Variants in LRRC4C observed in about 807,000 individuals in gnomAD.
The protein encoded by LRRC4C is leucine rich repeat containing 4C.
Under a neutral mutation model 33.6 loss-of-function variants are expected in LRRC4C, and 5 were observed. The ratio of observed to expected loss-of-function variants is 0.15; its 90% CI spans 0.08 to 0.31. The LOEUF is 0.31. Among genes scored for constraint, LRRC4C ranks in the 10% least tolerant of loss-of-function variants. The probability of loss-of-function intolerance (pLI) is 1.00; values close to 1 mark genes in which losing one functional copy is unlikely to be tolerated. For synonymous variants in LRRC4C, 329 were observed against 302.0 expected (o/e 1.09, Z -0.93); for missense variants, 560 against 796.7 (o/e 0.70, Z 3.58).
chr11:40,761,728 G>A (rs1194478631), intron 2 of LRRC4C, among the ~76,000 whole-genome samples: 1 of 152,094 alleles, frequency 6.6e-6, no homozygotes, highest in Non-Finnish European at 1.5e-5. Flanking sequence ...CCTTTTCAAT[G>A]TATGATAAAA....
chr11:41,425,994 A>G (rs549838120), intron 1 of LRRC4C, among the ~76,000 whole-genome samples: 1 of 152,064 alleles, frequency 6.6e-6, no homozygotes, highest in African/African-American at 2.4e-5. Flanking sequence ...AATCAAAAAC[A>G]CTCTTCTAAA....
chr11:40,402,366 C>T (rs1474575058), intron 3 of LRRC4C, among the ~76,000 whole-genome samples: 4 of 151,972 alleles, frequency 2.6e-5, no homozygotes, highest in Non-Finnish European at 4.4e-5. Context: ...TTTATTCAAC[C>T]CTTATAAAAT....
chr11:40,708,596 G>A (rs1214287084), intron 2 of LRRC4C, among the ~76,000 whole-genome samples: 1 of 152,270 alleles, frequency 6.6e-6, no homozygotes, highest in South Asian at 2.1e-4. Context: ...TGTAATTTCT[G>A]TTCTTTTACA....
intron 2 of LRRC4C, among the ~76,000 whole-genome samples, chr11:40,915,894 A>G (rs1175093355): frequency 6.6e-6 from 1 of 152,220 alleles, no homozygotes; most frequent in Non-Finnish European, 1.5e-5. Flanking sequence ...AAGGATATGA[A>G]CAGACACTTC....
chr11:40,566,415 C>A (rs1957771103), intron 3 of LRRC4C, among the ~76,000 whole-genome samples: 1 of 151,820 alleles, frequency 6.6e-6, no homozygotes, highest in Admixed American at 6.6e-5. Context: ...TCAAATAAAA[C>A]CTATAATGGT....
At chr11:40,695,981 A>G (rs560167472) in intron 2 of LRRC4C, among the ~76,000 whole-genome samples, 35 of 150,974 alleles carry the variant, frequency 2.3e-4, no homozygotes, top group African/African-American at 8.3e-4. Flanking sequence ...CCCTACCACA[A>G]TGCCACCATA....
intron 1 of LRRC4C, among the ~76,000 whole-genome samples, chr11:40,956,043 T>C (rs1218527713): frequency 1.3e-5 from 2 of 151,782 alleles, no homozygotes; most frequent in Admixed American, 1.3e-4. Flanking sequence ...TTCTATATAC[T>C]CCTGTTAGCT....
intron 1 of LRRC4C, among the ~76,000 whole-genome samples, chr11:41,228,670 C>A (rs1034626901): frequency 8.5e-5 from 13 of 152,106 alleles, no homozygotes; most frequent in Non-Finnish European, 1.8e-4. Flanking sequence ...AGGCAAATAA[C>A]AAACTAGTGT....
chr11:40,170,696 A>T (rs997545050), intron 5 of LRRC4C, among the ~76,000 whole-genome samples: 15 of 152,234 alleles, frequency 9.9e-5, no homozygotes, highest in African/African-American at 3.6e-4. Context: ...AATCCAAGGT[A>T]GGAGAAAGGA....
intron 2 of LRRC4C, among the ~76,000 whole-genome samples, chr11:40,777,795 C>A (rs1950067143): frequency 6.6e-6 from 1 of 151,950 alleles, no homozygotes; most frequent in Admixed American, 6.6e-5. Context: ...TCACGCCATT[C>A]TCCTGCCTCA....
rs553794629 is a variant in LRRC4C at position 40,902,734 on chromosome 11, G to A, written c.-407+30901C>T. On this transcript the variant is annotated intron_variant, in intron 2 of 6. Coordinates refer to ENST00000528697, the MANE Select transcript of LRRC4C (RefSeq NM_001258419.2). ...TCAGAGGTCTGAATATATCAAAACA[G>A]CCAAACATTCCTTTAAGTATAGCCT... is the stretch of plus-strand genomic sequence containing the variant. Among the ~76,000 whole-genome samples, 3 of 152,240 alleles carry A rather than the reference G, an allele frequency of 2.0e-5. 1 individual carries two copies. In the South Asian group the frequency reaches 6.2e-4, roughly 32 times the overall value.
At chr11:41,163,923 A>C (rs1184485330) in intron 1 of LRRC4C, among the ~76,000 whole-genome samples, 1 of 152,084 alleles carries the variant, frequency 6.6e-6, no homozygotes, top group African/African-American at 2.4e-5. Flanking sequence ...CTACTTCAAA[A>C]ACTTTTTTAT....
chr11:41,155,198 CTTAA>C (rs1016692043), intron 1 of LRRC4C, among the ~76,000 whole-genome samples: 9 of 152,058 alleles, frequency 5.9e-5, no homozygotes, highest in African/African-American at 1.9e-4. Context: ...GCATGTTTTG[CTTAA>C]TTCCAACATC....
intron 1 of LRRC4C, among the ~76,000 whole-genome samples, chr11:41,332,689 T>C (rs996612722): frequency 6.6e-6 from 1 of 152,246 alleles, no homozygotes; most frequent in African/African-American, 2.4e-5. Flanking sequence ...ATCCTTCTTT[T>C]CAACAATGGT....
At chr11:41,458,341 G>C (rs947034545) in intron 1 of LRRC4C, among the ~76,000 whole-genome samples, 1 of 152,132 alleles carries the variant, frequency 6.6e-6, no homozygotes. Flanking sequence ...TTCATGTGAG[G>C]TCTCAGCATT....
chr11:40,386,848 G>C (rs1019906358), intron 3 of LRRC4C, among the ~76,000 whole-genome samples: 1 of 152,050 alleles, frequency 6.6e-6, no homozygotes, highest in Admixed American at 6.6e-5. Context: ...TTGGAAAGCC[G>C]ACATACATAA....
At chr11:40,138,230 C>T (rs547008885) in intron 6 of LRRC4C, among the ~76,000 whole-genome samples, 5 of 151,356 alleles carry the variant, frequency 3.3e-5, no homozygotes, top group Non-Finnish European at 7.4e-5. Flanking sequence ...TGCAATGGTG[C>T]AATCATAGCT....
chr11:40,889,945 C>T (rs915027047), intron 2 of LRRC4C, among the ~76,000 whole-genome samples: 2 of 152,146 alleles, frequency 1.3e-5, no homozygotes, highest in Non-Finnish European at 2.9e-5. Context: ...AACTCTAATA[C>T]AGCACAGAAC....
At chr11:40,690,232 T>C (rs1436563334) in intron 2 of LRRC4C, among the ~76,000 whole-genome samples, 1 of 152,114 alleles carries the variant, frequency 6.6e-6, no homozygotes, top group Non-Finnish European at 1.5e-5. Context: ...ACGTACTTTA[T>C]TAACTGATTT....
Sources: allele counts gnomAD v4.1 joint callset (sites outside exome capture counted in the v4.1 genomes callset), GRCh38; gene constraint gnomAD v4.1.1; transcripts MANE v1.5; gene names NCBI Gene and HGNC (gene_info 2026-07-23, HGNC 2026-07-21).